Variants in RMST observed in about 807,000 individuals in gnomAD.
RMST encodes rhabdomyosarcoma 2 associated transcript.
chr12:97,464,919 A>G (rs529375270), intron 4 of RMST: 15 of 152,224 alleles, frequency 9.9e-5, no homozygotes, highest in Non-Finnish European at 2.2e-4. Context: ...AATGGTATGG[A>G]ACAAGGCAGC....
At chr12:97,469,271 T>C (rs933883057) in intron 5 of RMST, among the ~76,000 whole-genome samples, 5 of 149,512 alleles carry the variant, frequency 3.3e-5, no homozygotes, top group African/African-American at 5.1e-5. Context: ...GAAGAAGATA[T>C]TGGTAAAACA....
chr12:97,534,211 T>G (rs2136600395), intron 11 of RMST, among the ~76,000 whole-genome samples: 1 of 151,876 alleles, frequency 6.6e-6, no homozygotes, highest in African/African-American at 2.4e-5. Context: ...GTACATTGAG[T>G]TGTCAAACTT....
intron 11 of RMST, among the ~76,000 whole-genome samples, chr12:97,546,673 C>A (rs542395000): frequency 2.1e-4 from 32 of 152,008 alleles, no homozygotes; most frequent in African/African-American, 7.7e-4. Flanking sequence ...AAAAAAAATT[C>A]TTAATTGACA....
intron 10 of RMST, among the ~76,000 whole-genome samples, chr12:97,514,877 TCTG>T (rs1879776178): frequency 6.6e-6 from 1 of 152,168 alleles, no homozygotes; most frequent in Non-Finnish European, 1.5e-5. Context: ...AATGAAAAGT[TCTG>T]CTGCTACACA....
At chr12:97,550,464 T>C (rs148095088) in intron 11 of RMST, among the ~76,000 whole-genome samples, 1 of 152,246 alleles carries the variant, frequency 6.6e-6, no homozygotes, top group East Asian at 1.9e-4. Context: ...TGTCCAGATA[T>C]AGGAATATTG....
Position 97,549,084 on chromosome 12 carries a change from C to T in RMST, n.1546-11453C>T, listed in dbSNP as rs555942287. ...TGGCCTTAGTATTTCCTACTACGCA[C>T]CCTGGGTGGTTTTGAACTCTGAGAG... On this transcript the variant is annotated intron_variant and non_coding_transcript_variant, in intron 11 of 13. Transcript: ENST00000640149. Among the ~76,000 whole-genome samples the T allele has an allele frequency of 2.0e-5, 3 of 152,198 alleles. No individual in the cohort carries two copies. The East Asian group carries it at 5.8e-4, about 29-fold the overall frequency.
At chr12:97,531,630 C>G (rs1019679265) in intron 11 of RMST, among the ~76,000 whole-genome samples, 1 of 151,838 alleles carries the variant, frequency 6.6e-6, no homozygotes, top group Non-Finnish European at 1.5e-5. Flanking sequence ...AGGAAGAGGT[C>G]TCAAAAAATA....
intron 5 of RMST, among the ~76,000 whole-genome samples, chr12:97,487,373 G>T (rs1165535232): frequency 6.6e-6 from 1 of 152,048 alleles, no homozygotes; most frequent in African/African-American, 2.4e-5. Flanking sequence ...GTTAGACTTC[G>T]TATATGATAT....
chr12:97,552,487 T>G (rs1883374352), intron 11 of RMST, among the ~76,000 whole-genome samples: 1 of 152,174 alleles, frequency 6.6e-6, no homozygotes. Context: ...TGATTGGGAA[T>G]TGGACTCCTT....
At chr12:97,486,281 G>A (rs552249643) in intron 5 of RMST, among the ~76,000 whole-genome samples, 114 of 152,108 alleles carry the variant, frequency 7.5e-4, no homozygotes, top group Non-Finnish European at 1.2e-3. Flanking sequence ...AATCACCTCT[G>A]GCTTTTTAAA....
chr12:97,529,503 C>G (rs1402210190), intron 10 of RMST, among the ~76,000 whole-genome samples: 1 of 152,038 alleles, frequency 6.6e-6, no homozygotes, highest in Non-Finnish European at 1.5e-5. Context: ...CCCTAAATTT[C>G]CCCATCCCAG....
chr12:97,526,220 T>C, intron 10 of RMST, among the ~76,000 whole-genome samples: 1 of 152,118 alleles, frequency 6.6e-6, no homozygotes, highest in East Asian at 1.9e-4. Context: ...AAAATTATCA[T>C]CTGTGCAGCT....
chr12:97,501,220 G>T (rs1878041027), intron 10 of RMST, among the ~76,000 whole-genome samples: 1 of 152,182 alleles, frequency 6.6e-6, no homozygotes, highest in South Asian at 2.1e-4. Flanking sequence ...AAGGCCTTGG[G>T]TGATACCAAG....
intron 11 of RMST, among the ~76,000 whole-genome samples, chr12:97,557,762 G>C (rs996544111): frequency 6.6e-6 from 1 of 152,110 alleles, no homozygotes; most frequent in Non-Finnish European, 1.5e-5. Context: ...GATGGCTGTG[G>C]AATGAATCAG....
At chr12:97,515,279 C>T (rs1879813782) in intron 10 of RMST, among the ~76,000 whole-genome samples, 1 of 152,070 alleles carries the variant, frequency 6.6e-6, no homozygotes, top group Non-Finnish European at 1.5e-5. Flanking sequence ...TTCTCAGTAT[C>T]ACTTTCCTTA....
intron 5 of RMST, among the ~76,000 whole-genome samples, chr12:97,476,086 G>A (rs1325788682): frequency 6.6e-6 from 1 of 152,080 alleles, no homozygotes; most frequent in Non-Finnish European, 1.5e-5. Context: ...AAAGATTCTG[G>A]ATAAATGTCT....
chr12:97,481,608 A>C (rs1349997453), intron 5 of RMST, among the ~76,000 whole-genome samples: 1 of 152,172 alleles, frequency 6.6e-6, no homozygotes, highest in Admixed American at 6.6e-5. Context: ...CTCAGGAAGA[A>C]GAGTGAGGTT....
chr12:97,521,986 T>A lies in RMST; in HGVS notation n.1341-8669T>A, dbSNP rs553163303. Among the ~76,000 whole-genome samples, 321 of 152,324 alleles carry A rather than the reference T, an allele frequency of 2.1e-3. 3 individuals are homozygous for A. Among genetic ancestry groups the A allele is most frequent in the Non-Finnish European group, 3.6e-3 (245 of 68,018 alleles). The stretch of plus-strand genomic sequence containing the variant: ...ATACTTGATTGCTGTGTTTCTTCTA[T>A]TAAAGTGAAATGAAAATGTCTACAC... On this transcript the variant is annotated intron_variant and non_coding_transcript_variant, in intron 10 of 13. Transcript: ENST00000640149.
At chr12:97,560,990 CG>C (rs1938078808) in exon 13 of RMST, 1 of 152,306 alleles carries the variant, frequency 6.6e-6, no homozygotes, top group African/African-American at 2.4e-5. Flanking sequence ...AAGTAGAGCT[CG>C]TGCTGTGAAT....
Sources: allele counts gnomAD v4.1 joint callset (sites outside exome capture counted in the v4.1 genomes callset), GRCh38; gene constraint gnomAD v4.1.1; transcripts MANE v1.5; gene names NCBI Gene and HGNC (gene_info 2026-07-23, HGNC 2026-07-21).